Variants in FBXL18 observed in about 807,000 individuals in gnomAD.
FBXL18 encodes the protein F-box and leucine rich repeat protein 18, also known as F-box/LRR-repeat protein 18.
FBXL18 carries 36 observed loss-of-function variants against 46.0 expected under a neutral mutation model. That is an observed-to-expected ratio of 0.78 (90% confidence interval 0.60 to 1.03). The LOEUF (loss-of-function observed/expected upper bound fraction) is 1.03, where lower values mean the gene tolerates loss of function less well. FBXL18 is among the 50% of genes least tolerant of loss of function. The probability of loss-of-function intolerance (pLI) is 0.00; values close to 1 mark genes in which losing one functional copy is unlikely to be tolerated. For synonymous variants in FBXL18, 557 were observed against 465.3 expected (o/e 1.20, Z -2.54); for missense variants, 977 against 1,004.1 (o/e 0.97, Z 0.36).
intron 4 of FBXL18, among the ~76,000 whole-genome samples, chr7:5,460,595 C>T (rs60018408): frequency 2.6e-5 from 4 of 152,156 alleles, no homozygotes; most frequent in African/African-American, 7.2e-5. Flanking sequence ...CTGGGGTTAC[C>T]GGCATGTGCC....
At chr7:5,468,543 G>A (rs189525206) in intron 4 of FBXL18, among the ~76,000 whole-genome samples, 17 of 152,210 alleles carry the variant, frequency 1.1e-4, no homozygotes, top group Non-Finnish European at 2.1e-4. Context: ...TCTACTTTTC[G>A]GAAATTTTCA....
At chr7:5,467,932 G>T (rs968769028) in intron 4 of FBXL18, among the ~76,000 whole-genome samples, 1 of 152,008 alleles carries the variant, frequency 6.6e-6, no homozygotes, top group Non-Finnish European at 1.5e-5. Flanking sequence ...GCTGCACTGC[G>T]TGTGTGAGCA....
chr7:5,490,075 C>T (rs748155336), intron 4 of FBXL18: 22 of 1,358,012 alleles, frequency 1.6e-5, no homozygotes, highest in Admixed American at 5.9e-5. Flanking sequence ...AGCCAGCGGC[C>T]GACCGCAAGG....
At chr7:5,471,308 G>C (rs867702572), downstream of FBXL18, among the ~76,000 whole-genome samples, 3 of 152,124 alleles carry the variant, frequency 2.0e-5, no homozygotes, top group Non-Finnish European at 4.4e-5. Flanking sequence ...GGGCTTTTTC[G>C]CTCTGTCGCC....
chr7:5,479,497 T>TC lies in FBXL18; in HGVS notation c.*2277dup, dbSNP rs368704416. On this transcript the variant is annotated 3_prime_UTR_variant, in exon 5 of 5. Coordinates refer to ENST00000382368, the MANE Select transcript of FBXL18 (RefSeq NM_024963.6). ...GGAGGCACCACACCACCCGATCTGA[T>TC]CGCCGCGCCTGGTGGTCTCCAGGTG... 32 of 152,268 alleles carry TC rather than the reference T, an allele frequency of 2.1e-4. No individual in the cohort carries two copies. Among genetic ancestry groups the TC allele is most frequent in the African/African-American group, 7.2e-4 (30 of 41,560 alleles). 9.4% of individuals were successfully genotyped at this position (152,268 alleles called of 1,614,324 possible).
chr7:5,476,768 C>G lies in FBXL18; in HGVS notation c.*5007G>C, dbSNP rs1305423869. On this transcript the variant is annotated 3_prime_UTR_variant, in exon 5 of 5. Coordinates refer to ENST00000382368, the MANE Select transcript of FBXL18 (RefSeq NM_024963.6). ...ACAGGCGTGAACCACCACGCCCGGC[C>G]CCTCCCATGTTTCTCAAAGGAGCTT... The G allele has an allele frequency of 6.6e-6, 1 of 152,222 alleles. No homozygotes were observed. Among genetic ancestry groups the G allele is most frequent in the East Asian group, 1.9e-4 (1 of 5,186 alleles). 9.4% of individuals were successfully genotyped at this position (152,222 alleles called of 1,614,324 possible). A position where few individuals can be genotyped will look rare whatever the true frequency, so the allele number is the denominator to read the frequency against.
At chr7:5,470,237 G>A (rs532023530) in intron 4 of FBXL18, among the ~76,000 whole-genome samples, 123 of 152,154 alleles carry the variant, frequency 8.1e-4, no homozygotes, top group Non-Finnish European at 1.4e-3. Flanking sequence ...GCACACAGAG[G>A]CCGATCCCCA....
In FBXL18 at chr7:5,479,973, G is replaced by A. The variant is rs1443248423; in HGVS notation, c.*1802C>T. Among the ~76,000 whole-genome samples, 1 of 152,140 alleles carries A rather than the reference G, an allele frequency of 6.6e-6. No homozygotes were observed. Among genetic ancestry groups the A allele is most frequent in the Non-Finnish European group, 1.5e-5 (1 of 68,018 alleles). On this transcript the variant is annotated 3_prime_UTR_variant, in exon 5 of 5. Coordinates refer to ENST00000382368, the MANE Select transcript of FBXL18 (RefSeq NM_024963.6). ...CAGGGTGGGGTCAAGACTGCCAGGT[G>A]GAGAGCTGGGAGGCAGCCTGCACAG... is the stretch of plus-strand genomic sequence containing the variant.
intron 1 of FBXL18, among the ~76,000 whole-genome samples, chr7:5,512,297 T>TAAAAAAA (rs71004681): frequency 1.2e-5 from 1 of 85,548 alleles, no homozygotes; most frequent in Non-Finnish European, 2.4e-5. Context: ...AAGTGTTATT[T>TAAAAAAA]AAAAAAAAAA....
chr7:5,474,656 A>G (rs1232900096), downstream of FBXL18, among the ~76,000 whole-genome samples: 1 of 146,666 alleles, frequency 6.8e-6, no homozygotes, highest in Non-Finnish European at 1.5e-5. Flanking sequence ...CTTCAAAAAA[A>G]TCCTCCGCTG....
Position 5,501,857 on chromosome 7 carries a change from T to G in FBXL18, c.412A>C (p.Lys138Gln). 3 of 1,601,714 alleles carry G rather than the reference T, an allele frequency of 1.9e-6. No homozygotes were observed. The highest frequency in any genetic ancestry group is 2.6e-6 in the Non-Finnish European group (3 of 1,175,468). ...GCHLTSLRLS[K>Q]MLSALQHLRS... ...AGGTGCTGCAGGGCCGAGAGCATCT[T>G]GGAGAGGCGCAGGGAAGTGAGGTGG... The change falls in exon 3 of 5, where the codon AAG (lysine) becomes CAG (glutamine). Residue 138 changes from lysine to glutamine, a missense_variant. By Grantham distance (53) the Lys-to-Gln change is moderately conservative. Coordinates refer to ENST00000382368, the MANE Select transcript of FBXL18 (RefSeq NM_024963.6).
At chr7:5,512,174 G>A (rs1478593068) in intron 1 of FBXL18, among the ~76,000 whole-genome samples, 11 of 151,054 alleles carry the variant, frequency 7.3e-5, no homozygotes, top group African/African-American at 2.7e-4. Flanking sequence ...GAACCCGGGA[G>A]GCGGAGCTTG....
chr7:5,491,773 C>T (rs1774582048), intron 3 of FBXL18, among the ~76,000 whole-genome samples: 1 of 152,168 alleles, frequency 6.6e-6, no homozygotes, highest in Admixed American at 6.6e-5. Context: ...CCCAATGACC[C>T]CCAGGCACCC....
At position 5,476,474 on chromosome 7, in the gene FBXL18, T is replaced by C. The variant is rs1584194250; in HGVS notation, c.*5301A>G. 1 of 152,216 alleles carries C rather than the reference T, an allele frequency of 6.6e-6. No homozygotes were observed. The highest frequency in any genetic ancestry group is 2.4e-5 in the African/African-American group (1 of 41,438). 9.4% of individuals were successfully genotyped at this position (152,216 alleles called of 1,614,324 possible). A position where few individuals can be genotyped will look rare whatever the true frequency, so the allele number is the denominator to read the frequency against. On this transcript the variant is annotated 3_prime_UTR_variant, in exon 5 of 5. Transcript: ENST00000382368. ...CCTTCAGCGTTTCTGCTTTTTGTTGTTTGTTTTCTGAGACAGGGTATTGCT... is the reference window on the plus strand; with the variant it reads ...CCTTCAGCGTTTCTGCTTTTTGTTGCTTGTTTTCTGAGACAGGGTATTGCT...
downstream of FBXL18, among the ~76,000 whole-genome samples, chr7:5,474,686 TTTTATTTATTTA>T (rs57021114): frequency 5.1e-5 from 2 of 39,396 alleles, no homozygotes; most frequent in African/African-American, 9.8e-5. Context: ...GCACTTTATT[TTTTATTTATTTA>T]TTTATTTATT....
At chr7:5,457,376 A>G (rs561211245) in intron 4 of FBXL18, among the ~76,000 whole-genome samples, 2 of 152,286 alleles carry the variant, frequency 1.3e-5, no homozygotes, top group Non-Finnish European at 2.9e-5. Context: ...TCCTAAACTG[A>G]GTCCTTAGAG....
chr7:5,510,744 C>T (rs1441694446), intron 1 of FBXL18, among the ~76,000 whole-genome samples: 3 of 151,928 alleles, frequency 2.0e-5, no homozygotes, highest in African/African-American at 7.3e-5. Context: ...CAAGTAATGC[C>T]TCCCACAGGG....
At chr7:5,507,936 C>T (rs922788141) in intron 1 of FBXL18, among the ~76,000 whole-genome samples, 13 of 151,766 alleles carry the variant, frequency 8.6e-5, no homozygotes, top group African/African-American at 1.7e-4. Context: ...TTCTCGAGAC[C>T]AGCCTGGCCA....
chr7:5,501,139 G>C lies in FBXL18; in HGVS notation c.1130C>G (p.Thr377Ser). ...EDDIDSSILETLVASCCNLRH... is the reference protein window; with the variant it reads ...EDDIDSSILESLVASCCNLRH... ...CAGGTTGCAGCAGGACGCCACCAGA[G>C]TCTCCAGGATGCTGCTGTCGATGTC... The change falls in exon 3 of 5, where the codon ACT becomes AGT. Residue 377 changes from threonine to serine, a missense_variant. Transcript: ENST00000382368. 1.2e-6 allele frequency: 2 copies of C among 1,613,024 alleles called. No individual in the cohort carries two copies. Among genetic ancestry groups the C allele is most frequent in the Non-Finnish European group, 1.7e-6 (2 of 1,179,826 alleles).
Sources: gnomAD v4.1 joint callset for allele counts (sites outside exome capture counted in the v4.1 genomes callset) on GRCh38, gnomAD v4.1.1 for gene constraint, MANE v1.5 for transcripts, NCBI Gene and HGNC (gene_info 2026-07-23, HGNC 2026-07-21) for gene names.